Variants in UIMC1 observed in about 807,000 individuals in gnomAD.
UIMC1 encodes BRCA1-A complex subunit RAP80.
Under a neutral mutation model 84.9 loss-of-function variants are expected in UIMC1, and 42 were observed. The ratio of observed to expected loss-of-function variants is 0.49; its 90% confidence interval spans 0.39 to 0.64. The LOEUF (loss-of-function observed/expected upper bound fraction) is 0.64, where lower values mean the gene tolerates loss of function less well. UIMC1 is among the 30% of genes least tolerant of loss of function. UIMC1 has a pLI of 0.00. For synonymous variants in UIMC1, 281 were observed against 293.0 expected, an observed-to-expected ratio of 0.96 and a Z score of 0.42; for missense variants, 825 against 847.6, an observed-to-expected ratio of 0.97 and a Z score of 0.33.
intron 1 of UIMC1, among the ~76,000 whole-genome samples, chr5:176,985,440 G>C (rs1771822051): frequency 6.9e-6 from 1 of 144,226 alleles, no homozygotes; most frequent in Non-Finnish European, 1.5e-5. Flanking sequence ...TGGGCAACAA[G>C]AGGGGAATTC....
chr5:176,964,185 T>A (rs1046335467), intron 6 of UIMC1, among the ~76,000 whole-genome samples: 1 of 152,228 alleles, frequency 6.6e-6, no homozygotes, highest in Non-Finnish European at 1.5e-5. Flanking sequence ...TAGAAAATGT[T>A]TAACAAACGA....
intron 2 of UIMC1, among the ~76,000 whole-genome samples, chr5:176,980,876 G>C (rs973923139): frequency 6.6e-6 from 1 of 152,018 alleles, no homozygotes; most frequent in Non-Finnish European, 1.5e-5. Flanking sequence ...AAGTATCTGG[G>C]ACTACAGGCA....
intron 7 of UIMC1, among the ~76,000 whole-genome samples, chr5:176,957,628 G>A (rs369062193): frequency 4.6e-5 from 7 of 152,220 alleles, no homozygotes; most frequent in South Asian, 2.1e-4. Context: ...CTTTGAAGAG[G>A]ATGTTAAGTC....
At chr5:176,985,259 T>C (rs1234612212) in intron 1 of UIMC1, among the ~76,000 whole-genome samples, 1 of 151,898 alleles carries the variant, frequency 6.6e-6, no homozygotes, top group African/African-American at 2.4e-5. Flanking sequence ...AGTTGGAGAC[T>C]ATCCTGGCCA....
At chr5:177,022,226 T>C (rs1775885200) in intron 1 of UIMC1, among the ~76,000 whole-genome samples, 1 of 152,112 alleles carries the variant, frequency 6.6e-6, no homozygotes, top group Non-Finnish European at 1.5e-5. Context: ...CAACTGGATG[T>C]ATACAGGTCC....
intron 1 of UIMC1, among the ~76,000 whole-genome samples, chr5:176,995,537 C>CAAAAAAAAAAAAAAAAA (rs57521139): frequency 2.7e-5 from 1 of 36,552 alleles, no homozygotes; most frequent in African/African-American, 1.0e-4. Flanking sequence ...ACTCTGTCTC[C>CAAAAAAAAAAAAAAAAA]AAAAAAAAAA....
At chr5:176,915,457 A>ATT (rs1760848962) in intron 10 of UIMC1, among the ~76,000 whole-genome samples, 1 of 143,578 alleles carries the variant, frequency 7.0e-6, no homozygotes, top group African/African-American at 2.9e-5. Context: ...TACAGTAAAT[A>ATT]ATTTTTTTTT....
intron 1 of UIMC1, among the ~76,000 whole-genome samples, chr5:177,017,691 A>G (rs1775701719): frequency 7.1e-6 from 1 of 140,438 alleles, no homozygotes. Context: ...TTTTTTTGAG[A>G]CAGGGTCTTG....
At chr5:177,011,327 C>T (rs1250303214), upstream of UIMC1, among the ~76,000 whole-genome samples, 2 of 152,076 alleles carry the variant, frequency 1.3e-5, no homozygotes, top group Non-Finnish European at 2.9e-5. Context: ...ATTACTTGAG[C>T]CCAGGAGTTC....
intron 3 of UIMC1, among the ~76,000 whole-genome samples, chr5:176,973,769 G>A (rs928909640): frequency 6.6e-6 from 1 of 151,980 alleles, no homozygotes; most frequent in African/African-American, 2.4e-5. Flanking sequence ...TGGATGTGGT[G>A]GTATACACCT....
At chr5:176,938,308 C>T (rs1291135692) in intron 10 of UIMC1, among the ~76,000 whole-genome samples, 2 of 151,468 alleles carry the variant, frequency 1.3e-5, no homozygotes, top group Non-Finnish European at 2.9e-5. Flanking sequence ...CCTCTGTCTC[C>T]AGTCATATAA....
At chr5:177,014,450 G>A (rs538427437) in intron 1 of UIMC1, among the ~76,000 whole-genome samples, 1 of 152,214 alleles carries the variant, frequency 6.6e-6, no homozygotes, top group African/African-American at 2.4e-5. Flanking sequence ...ACCTTTCAAA[G>A]GTCTACTATA....
At chr5:176,921,834 A>G (rs1432789196) in intron 10 of UIMC1, among the ~76,000 whole-genome samples, 2 of 152,148 alleles carry the variant, frequency 1.3e-5, no homozygotes, top group Non-Finnish European at 2.9e-5. Flanking sequence ...AGATTACATC[A>G]TTCCCTCGTT....
chr5:176,953,111 C>A (rs1766101148), intron 8 of UIMC1, among the ~76,000 whole-genome samples: 1 of 152,140 alleles, frequency 6.6e-6, no homozygotes, highest in African/African-American at 2.4e-5. Flanking sequence ...CATGTGAGGA[C>A]ACAGCGGGAA....
At position 176,961,469 on chromosome 5, in the gene UIMC1, G is replaced by A. The variant is rs1393756950; in HGVS notation, c.1201-3315C>T. 4.3e-4 allele frequency among the ~76,000 whole-genome samples: 16 copies of A among 37,460 alleles called. No individual in the cohort carries two copies. The South Asian group carries it at 0.024, about 56-fold the overall frequency. The allele number at this position is 37,460 out of a possible 152,430, so 24.6% of individuals were successfully genotyped here. A position where few individuals can be genotyped will look rare whatever the true frequency, so the allele number is the denominator to read the frequency against. On this transcript the variant is annotated intron_variant, in intron 6 of 14. Coordinates refer to ENST00000511320, the MANE Select transcript of UIMC1 (RefSeq NM_001199298.2). Reference sequence around the variant, plus strand: ...CGTCTGAGAAGTGAGGAGCCTCTCCGCCCAGCAGCCACCCCATCTGGGAAG... The same window carrying A: ...CGTCTGAGAAGTGAGGAGCCTCTCCACCCAGCAGCCACCCCATCTGGGAAG...
intron 13 of UIMC1, 108 bp from the exon 14 acceptor site, chr5:176,906,155 T>C (rs904895350): frequency 2.9e-6 from 3 of 1,041,246 alleles, no homozygotes; most frequent in African/African-American, 3.2e-5. Flanking sequence ...TCATCAGGCC[T>C]ATCCAGGTAG....
chr5:176,998,821 T>C (rs1937357115), intron 1 of UIMC1, among the ~76,000 whole-genome samples: 1 of 152,104 alleles, frequency 6.6e-6, no homozygotes, highest in Non-Finnish European at 1.5e-5. Flanking sequence ...TGGAATAATT[T>C]AGTGTAGTGA....
chr5:176,925,757 T>A (rs1762316427), intron 10 of UIMC1, among the ~76,000 whole-genome samples: 1 of 152,068 alleles, frequency 6.6e-6, no homozygotes, highest in Non-Finnish European at 1.5e-5. Flanking sequence ...AGTGGTTGCC[T>A]TTAGGGGGAG....
chr5:176,927,697 T>G (rs1333289479), intron 10 of UIMC1, among the ~76,000 whole-genome samples: 1 of 151,982 alleles, frequency 6.6e-6, no homozygotes, highest in East Asian at 1.9e-4. Context: ...CCCACACCTT[T>G]ACAGAACCCT....
Sources: gnomAD v4.1 joint callset for allele counts (sites outside exome capture counted in the v4.1 genomes callset) on GRCh38, gnomAD v4.1.1 for gene constraint, MANE v1.5 for transcripts, NCBI Gene and HGNC (gene_info 2026-07-23, HGNC 2026-07-21) for gene names.